The following FMN1 variants were observed in gnomAD, a reference collection of about 807,000 sequenced individuals.
The protein encoded by FMN1 is formin 1, also known as formin-1.
A neutral mutation model predicts 132.4 loss-of-function variants in FMN1; 110 were observed. The ratio of observed to expected loss-of-function variants is 0.83; its 90% CI spans 0.71 to 0.97. The LOEUF is 0.97. FMN1 is among the 50% of genes least tolerant of loss of function. The probability of loss-of-function intolerance (pLI) is 0.00; values close to 1 mark genes in which losing one functional copy is unlikely to be tolerated. For synonymous variants in FMN1, 722 were observed against 651.7 expected (o/e 1.11, Z -1.64); for missense variants, 1,792 against 1,705.3 (o/e 1.05, Z -0.90).
At chr15:33,073,340 A>G (rs946499657) in intron 5 of FMN1, among the ~76,000 whole-genome samples, 2 of 152,224 alleles carry the variant, frequency 1.3e-5, no homozygotes, top group Non-Finnish European at 2.9e-5. Flanking sequence ...AAGTAGTTCA[A>G]ATAGCTTCAT....
At chr15:32,823,168 T>TG (rs771579816) in intron 17 of FMN1, among the ~76,000 whole-genome samples, 1 of 99,148 alleles carries the variant, frequency 1.0e-5, no homozygotes, top group Non-Finnish European at 2.2e-5. Context: ...TTTTTTTTTT[T>TG]TTTTTTTTTT....
chr15:33,021,240 T>G (rs2035401499), intron 6 of FMN1, among the ~76,000 whole-genome samples: 1 of 140,174 alleles, frequency 7.1e-6, no homozygotes, highest in East Asian at 2.0e-4. Flanking sequence ...TGAACCTTAG[T>G]TGACCTTTAC....
At chr15:32,995,517 A>G (rs1226535235) in intron 7 of FMN1, among the ~76,000 whole-genome samples, 1 of 152,228 alleles carries the variant, frequency 6.6e-6, no homozygotes, top group Non-Finnish European at 1.5e-5. Flanking sequence ...AGGATTAAAT[A>G]AAATAATCCA....
intron 7 of FMN1, among the ~76,000 whole-genome samples, chr15:32,991,268 G>A (rs1029628005): frequency 6.6e-6 from 1 of 152,108 alleles, no homozygotes; most frequent in Non-Finnish European, 1.5e-5. Flanking sequence ...TACATTCTCA[G>A]GAATACTTTC....
chr15:32,884,438 G>A (rs1231364957), intron 16 of FMN1, among the ~76,000 whole-genome samples: 1 of 152,188 alleles, frequency 6.6e-6, no homozygotes, highest in Non-Finnish European at 1.5e-5. Flanking sequence ...AAAGTCCTCA[G>A]CGTTTAAAGA....
At chr15:33,009,636 T>C (rs984999892) in intron 6 of FMN1, among the ~76,000 whole-genome samples, 2 of 152,212 alleles carry the variant, frequency 1.3e-5, no homozygotes, top group East Asian at 3.8e-4. Flanking sequence ...TTATTCTAAG[T>C]CTTACTTTAT....
intron 15 of FMN1, among the ~76,000 whole-genome samples, chr15:32,896,421 T>TA (rs551693989): frequency 2.0e-5 from 3 of 152,040 alleles, no homozygotes; most frequent in Non-Finnish European, 4.4e-5. Flanking sequence ...CTTACTGTGG[T>TA]AAAAAACAAA....
At chr15:32,991,667 CTAAAATCGCTTGA>C (rs1230919083) in intron 7 of FMN1, among the ~76,000 whole-genome samples, 2 of 152,080 alleles carry the variant, frequency 1.3e-5, no homozygotes, top group Admixed American at 1.3e-4. Context: ...CTTTAAATGG[CTAAAATCGCTTGA>C]TAAATGGTGT....
intron 5 of FMN1, among the ~76,000 whole-genome samples, chr15:33,074,040 CTTTTG>C (rs747854907): frequency 9.9e-5 from 15 of 152,070 alleles, no homozygotes; most frequent in Non-Finnish European, 1.5e-4. Context: ...CTGGCTTGAC[CTTTTG>C]TTTTAAAGAT....
chr15:33,107,886 A>AT (rs2039547097), intron 4 of FMN1, among the ~76,000 whole-genome samples: 1 of 152,196 alleles, frequency 6.6e-6, no homozygotes, highest in African/African-American at 2.4e-5. Context: ...ATGCTAGTAT[A>AT]TTTTTTATTT....
At chr15:32,904,348 A>T (rs1004046248) in intron 12 of FMN1, among the ~76,000 whole-genome samples, 2 of 152,186 alleles carry the variant, frequency 1.3e-5, no homozygotes, top group South Asian at 2.1e-4. Context: ...AGATGCTAAA[A>T]TTGTGTTCTG....
At chr15:32,914,933 T>C (rs1243813377) in intron 10 of FMN1, among the ~76,000 whole-genome samples, 1 of 152,150 alleles carries the variant, frequency 6.6e-6, no homozygotes, top group Non-Finnish European at 1.5e-5. Flanking sequence ...GTAAAAGAAG[T>C]AGATAAACAG....
intron 5 of FMN1, among the ~76,000 whole-genome samples, chr15:33,088,293 A>T (rs1292684473): frequency 6.6e-6 from 1 of 152,234 alleles, no homozygotes; most frequent in East Asian, 1.9e-4. Flanking sequence ...GGAGGTGGTT[A>T]TGTTTTTTAA....
chr15:33,102,968 T>C (rs186793092), intron 4 of FMN1, among the ~76,000 whole-genome samples: 4 of 152,208 alleles, frequency 2.6e-5, no homozygotes, highest in African/African-American at 9.6e-5. Context: ...ATAGAATGTC[T>C]TTAATTTATT....
chr15:33,004,552 G>A (rs1193983200), intron 7 of FMN1, among the ~76,000 whole-genome samples: 2 of 152,222 alleles, frequency 1.3e-5, no homozygotes, highest in East Asian at 1.9e-4. Context: ...GTGCTGGAGA[G>A]GATGTGAAGA....
intron 4 of FMN1, among the ~76,000 whole-genome samples, chr15:33,147,158 T>G (rs962108282): frequency 7.1e-6 from 1 of 139,972 alleles, no homozygotes; most frequent in African/African-American, 2.7e-5. Flanking sequence ...AGAGCGAGAC[T>G]CCGTCTCAAA....
intron 3 of FMN1, among the ~76,000 whole-genome samples, chr15:33,163,778 C>T (rs1964992187): frequency 6.6e-6 from 1 of 151,804 alleles, no homozygotes; most frequent in African/African-American, 2.4e-5. Context: ...CCATCATGCT[C>T]AACAAATTTT....
intron 19 of FMN1, among the ~76,000 whole-genome samples, chr15:32,797,846 T>C (rs1595936493): frequency 6.6e-6 from 1 of 152,302 alleles, no homozygotes. Flanking sequence ...GTGATGTGTC[T>C]AGAAATATAT....
At chr15:33,019,376 T>TA (rs2035284118) in intron 6 of FMN1, among the ~76,000 whole-genome samples, 1 of 152,230 alleles carries the variant, frequency 6.6e-6, no homozygotes, top group South Asian at 2.1e-4. Flanking sequence ...TAGCCAGACA[T>TA]AAAGATTCTC....
Sources: gnomAD v4.1 joint callset for allele counts (sites outside exome capture counted in the v4.1 genomes callset) on GRCh38, gnomAD v4.1.1 for gene constraint, MANE v1.5 for transcripts, NCBI Gene and HGNC (gene_info 2026-07-23, HGNC 2026-07-21) for gene names.